Variants in GOLPH3 observed in about 807,000 individuals in gnomAD.
GOLPH3 encodes the protein coat protein GPP34.
GOLPH3 carries 14 observed loss-of-function variants against 28.5 expected under a neutral mutation model. The observed-to-expected ratio is 0.49, with a 90% CI of 0.32 to 0.77. The LOEUF is 0.77. Among genes scored for constraint, GOLPH3 ranks in the 30% least tolerant of loss-of-function variants. The probability of loss-of-function intolerance (pLI) is 0.03; values close to 1 mark genes in which losing one functional copy is unlikely to be tolerated. For missense variants in GOLPH3, 350 were observed against 393.7 expected (o/e 0.89, Z 0.94); for synonymous variants, 158 against 159.2 (o/e 0.99, Z 0.06).
chr5:32,136,359 T>C (rs575535814), intron 2 of GOLPH3, among the ~76,000 whole-genome samples: 54 of 151,780 alleles, frequency 3.6e-4, no homozygotes, highest in Admixed American at 3.2e-3. Flanking sequence ...CAGGTGCCTG[T>C]AATCCCAGCT....
intron 1 of GOLPH3, among the ~76,000 whole-genome samples, chr5:32,166,894 TA>T (rs765829712): frequency 7.9e-5 from 12 of 151,352 alleles, no homozygotes; most frequent in Non-Finnish European, 1.5e-4. Context: ...ATAAATCCTC[TA>T]AACAAAGACT....
chr5:32,126,291 T>C lies in GOLPH3; in HGVS notation c.818A>G (p.Asp273Gly). Residue 273 changes from aspartate to glycine, a missense_variant, in exon 4 of 4, where the codon GAC becomes GGC. Transcript: ENST00000265070. The stretch of plus-strand genomic sequence containing the variant: ...CAGACATTCCACTTCAGGGTCTAAG[T>C]CGAGAAGCTGCCGCACTCTCTTGGT... ...LATKRVRQLL[D>G]LDPEVECLKA... 1 of 1,614,150 alleles carries C rather than the reference T, an allele frequency of 6.2e-7. No homozygotes were observed. The highest frequency in any genetic ancestry group is 8.5e-7 in the Non-Finnish European group (1 of 1,180,022).
At position 32,135,697 on chromosome 5, in the gene GOLPH3, A is replaced by G. The variant is rs757183553; in HGVS notation, c.358-11T>C. 5.2e-6 allele frequency: 8 copies of G among 1,539,882 alleles called. No individual in the cohort carries two copies. The East Asian group carries it at 1.1e-4, about 22-fold the overall frequency. On this transcript the variant is annotated splice_polypyrimidine_tract_variant and intron_variant, in intron 2 of 3. Coordinates refer to ENST00000265070, the MANE Select transcript of GOLPH3 (RefSeq NM_022130.4). ...TGACTTACAGATTACCTAAAAAGAA[A>G]GCAAAAAGAATGAAAGGATCCACGA...
intron 1 of GOLPH3, among the ~76,000 whole-genome samples, chr5:32,161,810 G>A (rs1013848735): frequency 6.6e-6 from 1 of 150,854 alleles, no homozygotes; most frequent in East Asian, 1.9e-4. Flanking sequence ...GGCGGACCAC[G>A]AGGTCAGGAG....
At chr5:32,146,276 G>A (rs565832007) in intron 1 of GOLPH3, among the ~76,000 whole-genome samples, 1 of 138,020 alleles carries the variant, frequency 7.2e-6, no homozygotes, top group Non-Finnish European at 1.5e-5. Flanking sequence ...GATGACAGGA[G>A]TAAGACCCTA....
chr5:32,138,360 T>C (rs1223051190), intron 2 of GOLPH3, among the ~76,000 whole-genome samples: 1 of 152,138 alleles, frequency 6.6e-6, no homozygotes, highest in Non-Finnish European at 1.5e-5. Context: ...ACAGTACAAG[T>C]CACAAATCTA....
At chr5:32,134,520 TAAA>T (rs1224752113) in intron 3 of GOLPH3, among the ~76,000 whole-genome samples, 1 of 112,122 alleles carries the variant, frequency 8.9e-6, no homozygotes, top group Non-Finnish European at 1.9e-5. Context: ...AAAAATAAAA[TAAA>T]AAAAAAAAAA....
At chr5:32,169,429 C>T (rs1026870607) in intron 1 of GOLPH3, among the ~76,000 whole-genome samples, 5 of 152,196 alleles carry the variant, frequency 3.3e-5, no homozygotes, top group African/African-American at 1.2e-4. Context: ...AACACTGAAG[C>T]TCAGAAGGCT....
At chr5:32,156,498 G>C (rs147503094) in intron 1 of GOLPH3, among the ~76,000 whole-genome samples, 1 of 143,574 alleles carries the variant, frequency 7.0e-6, no homozygotes, top group African/African-American at 2.5e-5. Context: ...GCGAGATTCT[G>C]TCTCAAAAAA....
intron 1 of GOLPH3, among the ~76,000 whole-genome samples, chr5:32,159,195 A>G (rs892051414): frequency 7.9e-5 from 12 of 152,230 alleles, no homozygotes; most frequent in African/African-American, 2.9e-4. Context: ...GTATCCCTGT[A>G]CTTGGGACCC....
intron 1 of GOLPH3, among the ~76,000 whole-genome samples, chr5:32,163,382 A>C (rs991921367): frequency 1.4e-4 from 21 of 152,090 alleles, no homozygotes; most frequent in Non-Finnish European, 2.9e-5. Context: ...AAAGCAAAAA[A>C]TTTTTCTTTG....
rs1486718507 is a variant in GOLPH3, at chr5:32,135,608, G to A, written c.436C>T (p.Pro146Ser). 1 of 1,613,642 alleles carries A rather than the reference G, an allele frequency of 6.2e-7. No homozygotes were observed. Among genetic ancestry groups the A allele is most frequent in the African/African-American group, 1.3e-5 (1 of 75,028 alleles). The change falls in exon 3 of 4, where the codon CCA becomes TCA. Residue 146 changes from proline (P) to serine (S), a missense_variant. Transcript: ENST00000265070. ...TCAATCCAGTTCTGGACCGTTTCTG[G>A]AGGCTGAGTTTCCTTAACATGCTTC... is the stretch of plus-strand genomic sequence containing the variant. Reference protein sequence around the residue: ...ALKHVKETQPPETVQNWIELL... With the variant: ...ALKHVKETQPSETVQNWIELL...
rs775323516 is a variant in GOLPH3 at position 32,158,060 on chromosome 5, ACT to A, written c.226-14182_226-14181del. On this transcript the variant is annotated intron_variant, in intron 1 of 3. Transcript: ENST00000265070. ...CACACACACACACACACACACACAC[ACT>A]GGGCAAAATCAGCTTTAAACTCTGT... Among the ~76,000 whole-genome samples, 237 of 110,828 alleles carry A rather than the reference ACT, an allele frequency of 2.1e-3. 17 individuals carry two copies. Among genetic ancestry groups the A allele is most frequent in the African/African-American group, 8.0e-3 (205 of 25,496 alleles). The allele number at this position is 110,828 out of a possible 152,430, so 72.7% of individuals were successfully genotyped here. A position where few individuals can be genotyped will look rare whatever the true frequency, so the allele number is the denominator to read the frequency against.
rs187225027 is a variant in GOLPH3 at position 32,140,515 on chromosome 5, C to T, written c.357+3234G>A. ...ACATATAAAAAAAAAAAAAATTAGC[C>T]GGGTGTGGTGGTGCATGCCTGTAGT... is the stretch of plus-strand genomic sequence containing the variant. On this transcript the variant is annotated intron_variant, in intron 2 of 3. Transcript: ENST00000265070. 6.3e-3 allele frequency among the ~76,000 whole-genome samples: 962 copies of T among 151,554 alleles called. 18 individuals are homozygous for T. Among genetic ancestry groups the T allele is most frequent in the African/African-American group, 0.022 (923 of 41,318 alleles).
chr5:32,173,660 G>A (rs1460773088), intron 1 of GOLPH3, 150 bp downstream of exon 1: 3 of 458,576 alleles, frequency 6.5e-6, no homozygotes, highest in South Asian at 8.2e-5. Flanking sequence ...ACACCGCTCG[G>A]CGTCAGCTGG....
intron 1 of GOLPH3, among the ~76,000 whole-genome samples, chr5:32,172,572 G>A (rs1458379118): frequency 2.0e-5 from 3 of 152,142 alleles, no homozygotes; most frequent in Non-Finnish European, 4.4e-5. Flanking sequence ...GCGCACGTCT[G>A]TAGTCCCGGC....
intron 2 of GOLPH3, among the ~76,000 whole-genome samples, chr5:32,142,839 C>CT (rs1324597870): frequency 6.7e-6 from 1 of 148,418 alleles, no homozygotes; most frequent in East Asian, 2.0e-4. Context: ...GGGGGTCAGC[C>CT]CCCCGCCCGG....
rs781064610 is a variant in GOLPH3 at position 32,125,937 on chromosome 5, G to A, written c.*275C>T. ...GGCTGGAGGTACTTTGAAAGTCAAA[G>A]TAGACCAGAAACCCAAAACAGGTAA... On this transcript the variant is annotated 3_prime_UTR_variant, in exon 4 of 4. Coordinates refer to ENST00000265070, the MANE Select transcript of GOLPH3 (RefSeq NM_022130.4). 4 of 356,224 alleles carry A rather than the reference G, an allele frequency of 1.1e-5. No homozygotes were observed. Among genetic ancestry groups the A allele is most frequent in the Non-Finnish European group, 2.0e-5 (4 of 196,414 alleles). 22.1% of individuals were successfully genotyped at this position (356,224 alleles called of 1,614,324 possible). A position where few individuals can be genotyped will look rare whatever the true frequency, so the allele number is the denominator to read the frequency against.
At chr5:32,154,401 T>C (rs1746373017) in intron 1 of GOLPH3, among the ~76,000 whole-genome samples, 1 of 152,226 alleles carries the variant, frequency 6.6e-6, no homozygotes, top group Non-Finnish European at 1.5e-5. Flanking sequence ...ATAACTATTA[T>C]AATTCCAATG....
Sources: allele counts gnomAD v4.1 joint callset (sites outside exome capture counted in the v4.1 genomes callset), GRCh38; gene constraint gnomAD v4.1.1; transcripts MANE v1.5; gene names NCBI Gene and HGNC (gene_info 2026-07-23, HGNC 2026-07-21).